Variants in RBFOX2 observed in about 807,000 individuals in gnomAD.
RBFOX2 encodes RNA binding protein fox-1 homolog 2.
Under a neutral mutation model 49.1 loss-of-function variants are expected in RBFOX2, and 10 were observed. The ratio of observed to expected loss-of-function variants is 0.20; its 90% CI spans 0.13 to 0.35. The LOEUF (loss-of-function observed/expected upper bound fraction) is 0.35. Ranked by LOEUF, RBFOX2 falls within the 10% of genes least tolerant of loss-of-function variation. The pLI is 1.00. For synonymous variants in RBFOX2, 183 were observed against 187.4 expected, an observed-to-expected ratio of 0.98 and a Z score of 0.19; for missense variants, 323 against 486.9, an observed-to-expected ratio of 0.66 and a Z score of 3.17.
intron 1 of RBFOX2, among the ~76,000 whole-genome samples, chr22:36,004,687 T>C (rs1001162254): frequency 6.6e-6 from 1 of 152,032 alleles, no homozygotes; most frequent in Non-Finnish European, 1.5e-5. Context: ...TCCCAGCTAC[T>C]TGGGAGGCTG....
chr22:35,746,785 T>C, intron 9 of RBFOX2: 1 of 385,184 alleles, frequency 2.6e-6, no homozygotes, highest in Non-Finnish European at 4.6e-6. Context: ...TGCTTTCCAA[T>C]TTGTGATAGT....
rs1345751355 is a variant in RBFOX2, at chr22:35,840,302, C to T, written c.-84G>A. 4 of 1,613,170 alleles carry T rather than the reference C, an allele frequency of 2.5e-6. No individual in the cohort carries two copies. In the East Asian group the frequency reaches 8.9e-5, roughly 36 times the overall value. ...AGCTTTCTTTTCCACCCCCCTCCCC[C>T]CCCAATCTAGCTATTTAAGGGTGGG... On this transcript the variant is annotated 5_prime_UTR_variant, in exon 1 of 12. Coordinates refer to ENST00000405409, the Ensembl canonical transcript of RBFOX2.
chr22:35,859,998 T>C (rs1285904025), intron 1 of RBFOX2, among the ~76,000 whole-genome samples: 1 of 152,218 alleles, frequency 6.6e-6, no homozygotes. Flanking sequence ...TTCACATACA[T>C]TATCTTATAC....
intron 9 of RBFOX2, among the ~76,000 whole-genome samples, chr22:35,757,679 A>T (rs1021368941): frequency 1.6e-4 from 24 of 152,204 alleles, no homozygotes; most frequent in African/African-American, 5.8e-4. Context: ...TGTATCACAC[A>T]AAAGGCAAAT....
intron 1 of RBFOX2, among the ~76,000 whole-genome samples, chr22:35,985,872 C>T (rs186683263): frequency 1.3e-5 from 2 of 150,434 alleles, no homozygotes; most frequent in African/African-American, 4.9e-5. Context: ...GCAGGAAAGA[C>T]TCCATCTCTA....
intron 1 of RBFOX2, among the ~76,000 whole-genome samples, chr22:35,860,138 C>T (rs114317720): frequency 1.1e-3 from 162 of 152,234 alleles, no homozygotes; most frequent in African/African-American, 3.7e-3. Context: ...GTTTCTTCCA[C>T]CCCTTGAATT....
At chr22:35,989,662 G>C (rs2057883555) in intron 1 of RBFOX2, among the ~76,000 whole-genome samples, 1 of 152,114 alleles carries the variant, frequency 6.6e-6, no homozygotes. Context: ...AAAAGATATA[G>C]AAGGGCAGAT....
chr22:35,916,360 CA>C (rs755279448), intron 1 of RBFOX2, among the ~76,000 whole-genome samples: 32 of 152,332 alleles, frequency 2.1e-4, no homozygotes, highest in Middle Eastern at 6.8e-3. Flanking sequence ...TGGCTCACTA[CA>C]ACCTCTGCCT....
At chr22:35,975,159 T>C (rs1258718578) in intron 1 of RBFOX2, among the ~76,000 whole-genome samples, 1 of 152,208 alleles carries the variant, frequency 6.6e-6, no homozygotes, top group Non-Finnish European at 1.5e-5. Flanking sequence ...TTAACACTCA[T>C]AAAAGTATTC....
intron 1 of RBFOX2, among the ~76,000 whole-genome samples, chr22:35,926,393 T>A (rs1006679023): frequency 7.2e-5 from 11 of 152,210 alleles, no homozygotes; most frequent in African/African-American, 2.7e-4. Context: ...GGCCCTATCT[T>A]TAGTCAGATA....
chr22:35,812,577 A>C (rs763880246), intron 1 of RBFOX2, among the ~76,000 whole-genome samples: 1 of 152,216 alleles, frequency 6.6e-6, no homozygotes, highest in South Asian at 2.1e-4. Context: ...CAGACATGAA[A>C]AAGAATTGAA....
intron 1 of RBFOX2, among the ~76,000 whole-genome samples, chr22:35,952,951 C>G (rs894147392): frequency 2.6e-5 from 4 of 152,038 alleles, no homozygotes; most frequent in Non-Finnish European, 5.9e-5. Flanking sequence ...GTGGCTCACA[C>G]CTGTAATCCC....
chr22:35,989,705 ACT>A (rs2057886017), intron 1 of RBFOX2, among the ~76,000 whole-genome samples: 2 of 152,216 alleles, frequency 1.3e-5, no homozygotes, highest in South Asian at 4.1e-4. Flanking sequence ...AGTAGAACTC[ACT>A]ACAGAAAGGA....
intron 1 of RBFOX2, among the ~76,000 whole-genome samples, chr22:35,933,484 C>T (rs2052660554): frequency 6.6e-6 from 1 of 152,148 alleles, no homozygotes; most frequent in Non-Finnish European, 1.5e-5. Context: ...CACTGCTGAA[C>T]ATCCCTTACT....
At chr22:35,977,019 G>A (rs2057203054) in intron 1 of RBFOX2, among the ~76,000 whole-genome samples, 1 of 149,794 alleles carries the variant, frequency 6.7e-6, no homozygotes. Context: ...TTAAAAAAAT[G>A]TGCAAAACAT....
intron 1 of RBFOX2, among the ~76,000 whole-genome samples, chr22:36,007,074 G>A (rs1478930930): frequency 1.3e-5 from 2 of 152,220 alleles, no homozygotes; most frequent in Non-Finnish European, 2.9e-5. Context: ...CACTCATTTT[G>A]CTTCTTCTCA....
intron 1 of RBFOX2, among the ~76,000 whole-genome samples, chr22:35,840,009 G>A (rs1307473283): frequency 1.3e-5 from 2 of 152,112 alleles, no homozygotes; most frequent in Admixed American, 6.5e-5. Flanking sequence ...GAAAGGATAC[G>A]GATACATAAC....
intron 1 of RBFOX2, among the ~76,000 whole-genome samples, chr22:36,006,247 T>C (rs181782173): frequency 2.0e-5 from 3 of 152,362 alleles, no homozygotes; most frequent in Non-Finnish European, 4.4e-5. Flanking sequence ...GCAAAATGCA[T>C]GCCTGCATGG....
chr22:35,812,755 G>A lies in RBFOX2; in HGVS notation c.28-2751C>T, dbSNP rs758718865. 4.6e-5 allele frequency among the ~76,000 whole-genome samples: 7 copies of A among 152,200 alleles called. No homozygotes were observed. In the South Asian group the frequency reaches 8.3e-4, roughly 18 times the overall value. On this transcript the variant is annotated intron_variant, in intron 1 of 11. Coordinates refer to ENST00000405409, the Ensembl canonical transcript of RBFOX2. ...AAGTTAGGATTAACAAGGCCAAGGC[G>A]ACTTTCTCCTGCTCTGACACTGCTC...
Sources: gnomAD v4.1 joint callset for allele counts (sites outside exome capture counted in the v4.1 genomes callset) on GRCh38, gnomAD v4.1.1 for gene constraint, MANE v1.5 for transcripts, NCBI Gene and HGNC (gene_info 2026-07-23, HGNC 2026-07-21) for gene names.